The following ITCH variants were observed in gnomAD, a reference collection of about 807,000 sequenced individuals.
The protein encoded by ITCH is E3 ubiquitin-protein ligase Itchy homolog.
In ITCH, 28 loss-of-function variants were observed where a neutral mutation model predicts 126.8. The ratio of observed to expected loss-of-function variants is 0.22; its 90% confidence interval spans 0.16 to 0.30. ITCH has a LOEUF of 0.30. ITCH is among the 10% of genes least tolerant of loss of function. ITCH has a pLI of 1.00. For synonymous variants in ITCH, 342 were observed against 340.0 expected, an observed-to-expected ratio of 1.01 and a Z score of -0.06; for missense variants, 631 against 1,032.4, an observed-to-expected ratio of 0.61 and a Z score of 5.33.
At chr20:34,375,695 AATTTTTT>A (rs2037813129) in intron 2 of ITCH, among the ~76,000 whole-genome samples, 1 of 135,084 alleles carries the variant, frequency 7.4e-6, no homozygotes, top group African/African-American at 2.9e-5. Context: ...TGGTAGTTAA[AATTTTTT>A]TTTTTTTTTT....
chr20:34,373,385 C>T (rs111332267), intron 2 of ITCH, among the ~76,000 whole-genome samples: 94 of 151,926 alleles, frequency 6.2e-4, no homozygotes, highest in Middle Eastern at 3.4e-3. Context: ...AAGCCATTCT[C>T]CTGCCTCAGC....
intron 2 of ITCH, 168 bp downstream of exon 2, chr20:34,369,638 GA>G (rs2037545195): frequency 7.7e-6 from 3 of 390,806 alleles, no homozygotes; most frequent in Non-Finnish European, 1.4e-5. Flanking sequence ...CCTCTGCAGG[GA>G]TTAGCCTGTG....
At chr20:34,478,775 A>G (rs1988459907) in intron 17 of ITCH, among the ~76,000 whole-genome samples, 2 of 152,218 alleles carry the variant, frequency 1.3e-5, no homozygotes, top group South Asian at 2.1e-4. Context: ...TTCAAAATAT[A>G]TGATATAATC....
chr20:34,376,057 C>T (rs973492669), intron 2 of ITCH, among the ~76,000 whole-genome samples: 34 of 151,932 alleles, frequency 2.2e-4, no homozygotes, highest in African/African-American at 7.5e-4. Context: ...TAAATGTTGG[C>T]AACTTATGAA....
At chr20:34,390,293 T>A (rs564464001) in intron 2 of ITCH, among the ~76,000 whole-genome samples, 1 of 152,222 alleles carries the variant, frequency 6.6e-6, no homozygotes, top group East Asian at 1.9e-4. Flanking sequence ...GAAGAAAGTG[T>A]GGCTTAGAGA....
At chr20:34,418,141 A>AT (rs1287233064) in intron 6 of ITCH, among the ~76,000 whole-genome samples, 3 of 150,888 alleles carry the variant, frequency 2.0e-5, no homozygotes, top group African/African-American at 4.9e-5. Flanking sequence ...TAATTTTTGT[A>AT]TTTTTTGTAG....
At position 34,511,470 on chromosome 20, in the gene ITCH, T is replaced by C. The variant is rs1196289863; in HGVS notation, c.*3676T>C. 2.0e-5 allele frequency: 3 copies of C among 152,220 alleles called. No homozygotes were observed. Among genetic ancestry groups the C allele is most frequent in the African/African-American group, 4.8e-5 (2 of 41,454 alleles). The allele number at this position is 152,220 out of a possible 1,614,324, so 9.4% of individuals were successfully genotyped here. ...CCCCGGCCCCACCTTCTGAGACTTA[T>C]ATGTGACCAGGTCACATAGATTTCT... On this transcript the variant is annotated 3_prime_UTR_variant, in exon 25 of 25. Coordinates refer to ENST00000374864, the MANE Select transcript of ITCH (RefSeq NM_031483.7).
chr20:34,478,571 T>G (rs766701513), intron 17 of ITCH, among the ~76,000 whole-genome samples: 9 of 152,174 alleles, frequency 5.9e-5, no homozygotes, highest in Non-Finnish European at 1.2e-4. Flanking sequence ...CTCTCAATAG[T>G]GTGATGTTGG....
At chr20:34,389,317 C>G (rs1601782996) in intron 2 of ITCH, among the ~76,000 whole-genome samples, 2 of 152,202 alleles carry the variant, frequency 1.3e-5, no homozygotes, top group East Asian at 3.9e-4. Context: ...TGCTCCTGGC[C>G]TCAATCTGTG....
At chr20:34,451,221 C>T (rs1484988628) in intron 12 of ITCH, among the ~76,000 whole-genome samples, 19 of 148,856 alleles carry the variant, frequency 1.3e-4, no homozygotes, top group African/African-American at 4.7e-4. Context: ...ACCCGGGAGG[C>T]GGAGGTTGCA....
chr20:34,385,217 GT>G (rs1410074986), intron 2 of ITCH, among the ~76,000 whole-genome samples: 200 of 127,378 alleles, frequency 1.6e-3, no homozygotes, highest in Middle Eastern at 3.9e-3. Context: ...GTGTGTGTGT[GT>G]GTGGTTTTTT....
chr20:34,502,412 T>C (rs1042119012), intron 23 of ITCH, among the ~76,000 whole-genome samples: 17 of 151,486 alleles, frequency 1.1e-4, no homozygotes, highest in African/African-American at 4.1e-4. Context: ...AAAAAAAATT[T>C]ATAAAAAATG....
chr20:34,365,313 T>G (rs1370909360), intron 1 of ITCH, among the ~76,000 whole-genome samples: 1 of 152,152 alleles, frequency 6.6e-6, no homozygotes, highest in Non-Finnish European at 1.5e-5. Context: ...AGCATACAGG[T>G]CAAGTCACCA....
At chr20:34,384,289 T>TG (rs1243640453) in intron 2 of ITCH, 1 of 149,246 alleles carries the variant, frequency 6.7e-6, no homozygotes, top group Non-Finnish European at 1.5e-5. Context: ...CTTTTTTTTT[T>TG]TTTTTTTTTT....
intron 2 of ITCH, among the ~76,000 whole-genome samples, chr20:34,379,584 A>G (rs1463864506): frequency 6.7e-6 from 1 of 150,264 alleles, no homozygotes; most frequent in Non-Finnish European, 1.5e-5. Context: ...GGAGTCATAC[A>G]ATATTTGTCC....
chr20:34,454,627 A>T (rs1311057968), intron 12 of ITCH: 2 of 152,120 alleles, frequency 1.3e-5, no homozygotes, highest in African/African-American at 4.8e-5. Context: ...CAGGTTTGTG[A>T]TACTCACTAG....
intron 3 of ITCH, among the ~76,000 whole-genome samples, chr20:34,396,483 C>T (rs563710003): frequency 4.6e-5 from 7 of 151,908 alleles, no homozygotes; most frequent in Admixed American, 1.3e-4. Context: ...TGTGTGTGCG[C>T]GCGTGCATAT....
intron 10 of ITCH, among the ~76,000 whole-genome samples, chr20:34,443,046 A>G (rs763107466): frequency 6.6e-6 from 1 of 152,028 alleles, no homozygotes; most frequent in Non-Finnish European, 1.5e-5. Context: ...ACTGTAGTTT[A>G]AGTATTAGTT....
chr20:34,408,964 C>A (rs1490794643), intron 4 of ITCH, among the ~76,000 whole-genome samples, 172 bp downstream of exon 4: 1 of 123,372 alleles, frequency 8.1e-6, no homozygotes, highest in East Asian at 2.4e-4. Flanking sequence ...TTTTGTTTCT[C>A]TTTAGATAGC....
Sources: gnomAD v4.1 joint callset for allele counts (sites outside exome capture counted in the v4.1 genomes callset) on GRCh38, gnomAD v4.1.1 for gene constraint, MANE v1.5 for transcripts, NCBI Gene and HGNC (gene_info 2026-07-23, HGNC 2026-07-21) for gene names.